MYO3B: variants seen among roughly 807,000 people sequenced by gnomAD.
MYO3B encodes the protein myosin-IIIb.
Under a neutral mutation model 174.6 loss-of-function variants are expected in MYO3B, and 156 were observed. The ratio of observed to expected loss-of-function variants is 0.89; its 90% CI spans 0.78 to 1.02. MYO3B has a LOEUF of 1.02. Ranked by LOEUF, MYO3B falls within the 50% of genes least tolerant of loss-of-function variation. The pLI is 0.00. For missense variants in MYO3B, 1,632 were observed against 1,639.4 expected (o/e 1.00, Z 0.08); for synonymous variants, 563 against 569.1 (o/e 0.99, Z 0.15).
In MYO3B at chr2:170,206,382, C is replaced by T. The variant is rs1376285567; in HGVS notation, c.321+6098C>T. ...CACAGCTCTGCTTCCACATTCCACA[C>T]TATAATTACTCGTATGTCCATTACT... On this transcript the variant is annotated intron_variant, in intron 3 of 34. Coordinates refer to ENST00000408978, the MANE Select transcript of MYO3B (RefSeq NM_138995.5). The surrounding 1 kb of genome is among the most constrained non-coding windows in gnomAD (Gnocchi z 4.3). 6.6e-6 allele frequency among the ~76,000 whole-genome samples: 1 copy of T among 152,178 alleles called. No homozygotes were observed. The highest frequency in any genetic ancestry group is 2.4e-5 in the African/African-American group (1 of 41,436).
At chr2:170,365,782 G>C (rs979944328) in intron 8 of MYO3B, among the ~76,000 whole-genome samples, 1 of 152,130 alleles carries the variant, frequency 6.6e-6, no homozygotes, top group Non-Finnish European at 1.5e-5. Context: ...CCTGTGGTAT[G>C]ATGGTATATG....
intron 22 of MYO3B, among the ~76,000 whole-genome samples, chr2:170,431,276 C>T (rs1574968672): frequency 1.3e-5 from 2 of 152,016 alleles, no homozygotes; most frequent in Non-Finnish European, 1.5e-5. Flanking sequence ...AAATTCTCCT[C>T]GTTAAAAGAG....
At chr2:170,463,919 G>T (rs1029984254) in intron 24 of MYO3B, among the ~76,000 whole-genome samples, 3 of 152,018 alleles carry the variant, frequency 2.0e-5, no homozygotes, top group African/African-American at 7.2e-5. Flanking sequence ...TCTCTAGAAG[G>T]GCTCTGTTAA....
intron 1 of MYO3B, among the ~76,000 whole-genome samples, chr2:170,181,887 TAACA>T (rs1211535031): frequency 6.6e-6 from 1 of 152,156 alleles, no homozygotes; most frequent in African/African-American, 2.4e-5. Context: ...TTATTTCTCT[TAACA>T]CTATTATCAA....
At chr2:170,410,571 C>G (rs2094539134) in intron 22 of MYO3B, among the ~76,000 whole-genome samples, 1 of 128,598 alleles carries the variant, frequency 7.8e-6, no homozygotes, top group Non-Finnish European at 1.6e-5. Context: ...CAGTGCAAGA[C>G]TCCGTCTCAA....
intron 15 of MYO3B, among the ~76,000 whole-genome samples, chr2:170,392,122 CAAAAAAAAA>C: frequency 9.4e-6 from 1 of 106,568 alleles, no homozygotes. Flanking sequence ...GACCCTGTCT[CAAAAAAAAA>C]AAAAAAAAAA....
intron 6 of MYO3B, among the ~76,000 whole-genome samples, chr2:170,222,127 G>A (rs6730459): frequency 0.23 from 34,857 of 151,976 alleles, 4,250 homozygotes; most frequent in Middle Eastern, 0.29. Flanking sequence ...AATCTCCCTG[G>A]CTATGACTGC....
chr2:170,498,763 T>C, intron 26 of MYO3B, 60 bp downstream of exon 26: 46 of 1,093,198 alleles, frequency 4.2e-5, no homozygotes, highest in Non-Finnish European at 5.9e-5. Context: ...TTGTCAGTGA[T>C]GTCACTGGCA....
intron 8 of MYO3B, among the ~76,000 whole-genome samples, chr2:170,368,008 C>T (rs2094211277): frequency 6.6e-6 from 1 of 152,066 alleles, no homozygotes; most frequent in South Asian, 2.1e-4. Flanking sequence ...GGAGATTTAC[C>T]GAATATCTTT....
At chr2:170,342,097 A>G (rs2093980396) in intron 8 of MYO3B, 1 of 152,232 alleles carries the variant, frequency 6.6e-6, no homozygotes, top group Non-Finnish European at 1.5e-5. Context: ...AACGTGGGTA[A>G]TCTAGACTGT....
intron 30 of MYO3B, chr2:170,524,463 T>C (rs1398467772): frequency 2.3e-6 from 1 of 429,946 alleles, no homozygotes; most frequent in Non-Finnish European, 4.6e-6. Context: ...ATTAGCAATT[T>C]CCTGGGCACT....
chr2:170,321,855 C>A (rs1198152765), intron 7 of MYO3B, among the ~76,000 whole-genome samples: 1 of 152,088 alleles, frequency 6.6e-6, no homozygotes, highest in Admixed American at 6.5e-5. Context: ...GTGGCTCATA[C>A]CTGTAATCCC....
intron 7 of MYO3B, among the ~76,000 whole-genome samples, chr2:170,320,409 G>A (rs12614145): frequency 0.67 from 102,587 of 152,184 alleles, 38,318 homozygotes; most frequent in East Asian, 0.92. Context: ...CGTTCATAAA[G>A]CAGAAGCTAT....
chr2:170,564,455 GGAA>G (rs1691938209), intron 32 of MYO3B, among the ~76,000 whole-genome samples: 1 of 152,074 alleles, frequency 6.6e-6, no homozygotes, highest in African/African-American at 2.4e-5. Context: ...CCTGGGCAAT[GGAA>G]CGAGCCTCCA....
In MYO3B at chr2:170,638,109, T is replaced by TCACACA. The variant is rs58917057; in HGVS notation, c.3734-13509_3734-13504dup. On this transcript the variant is annotated intron_variant, in intron 32 of 34. Transcript: ENST00000408978. ...CTCTCTCCCTCTCTCTCTCTCTCTC[T>TCACACA]CACACACACACACACCTGCCAGACA... Among the ~76,000 whole-genome samples, 317 of 150,520 alleles carry TCACACA rather than the reference T, an allele frequency of 2.1e-3. 1 individual carries two copies. The highest frequency in any genetic ancestry group is 3.4e-3 in the Middle Eastern group (1 of 290).
chr2:170,643,467 G>A (rs1698136039), intron 32 of MYO3B, among the ~76,000 whole-genome samples: 1 of 152,122 alleles, frequency 6.6e-6, no homozygotes, highest in Non-Finnish European at 1.5e-5. Flanking sequence ...TTGGTCAGAG[G>A]AGTGATGCAC....
intron 32 of MYO3B, among the ~76,000 whole-genome samples, chr2:170,610,159 A>G (rs1416133749): frequency 6.6e-6 from 1 of 152,072 alleles, no homozygotes. Flanking sequence ...ACACAGTGAA[A>G]CCCCATCTCT....
chr2:170,418,245 G>A (rs1455461888), intron 22 of MYO3B, among the ~76,000 whole-genome samples: 3 of 152,214 alleles, frequency 2.0e-5, no homozygotes, highest in African/African-American at 7.2e-5. Flanking sequence ...GCAGGGCAGA[G>A]GCGGGCCCAT....
intron 22 of MYO3B, among the ~76,000 whole-genome samples, chr2:170,440,160 G>C (rs1203134139): frequency 6.6e-6 from 1 of 152,106 alleles, no homozygotes; most frequent in Non-Finnish European, 1.5e-5. Context: ...AAGATCATTT[G>C]ATCATGCATC....
Sources: gnomAD v4.1 joint callset for allele counts (sites outside exome capture counted in the v4.1 genomes callset) on GRCh38, gnomAD v4.1.1 for gene constraint, Gnocchi (gnomAD v3.1) non-coding constraint, MANE v1.5 for transcripts, NCBI Gene and HGNC (gene_info 2026-07-23, HGNC 2026-07-21) for gene names.